The following IFI27L1 variants were observed in gnomAD, a reference collection of about 807,000 sequenced individuals.
IFI27L1 encodes the protein interferon alpha inducible protein 27 like 1.
Under a neutral mutation model 9.2 loss-of-function variants are expected in IFI27L1, and 3 were observed. That is an observed-to-expected ratio of 0.32 (90% CI 0.15 to 0.84). The LOEUF (loss-of-function observed/expected upper bound fraction) is 0.84. IFI27L1 is among the 40% of genes least tolerant of loss of function. The pLI, the probability that IFI27L1 is intolerant of heterozygous loss-of-function variation, is 0.56. For synonymous variants in IFI27L1, 53 were observed against 50.0 expected (o/e 1.06, Z -0.26); for missense variants, 133 against 134.2 (o/e 0.99, Z 0.05).
intron 1 of IFI27L1, among the ~76,000 whole-genome samples, chr14:94,090,442 A>G (rs1886434775): frequency 6.6e-6 from 1 of 152,234 alleles, no homozygotes. Flanking sequence ...AAGTGCAGCA[A>G]GAATGATTAT....
intron 1 of IFI27L1, 38 bp from the exon 2 acceptor site, chr14:94,096,849 A>G: frequency 8.1e-7 from 1 of 1,235,800 alleles, no homozygotes; most frequent in Non-Finnish European, 1.2e-6. Flanking sequence ...AGCTTTATTC[A>G]AACCAGATCC....
At chr14:94,082,017 G>T (rs140449483) in intron 1 of IFI27L1, among the ~76,000 whole-genome samples, 47 of 152,310 alleles carry the variant, frequency 3.1e-4, no homozygotes, top group East Asian at 1.7e-3. Context: ...AGGCAAGATA[G>T]GCTGAAAGCT....
At chr14:94,081,916 C>CT (rs1285994862) in intron 1 of IFI27L1, among the ~76,000 whole-genome samples, 6 of 152,162 alleles carry the variant, frequency 3.9e-5, no homozygotes, top group Admixed American at 2.6e-4. Context: ...CAATGGGCCT[C>CT]TAAGTGTTCA....
At chr14:94,101,080 T>G in intron 3 of IFI27L1, 2 of 555,334 alleles carry the variant, frequency 3.6e-6, no homozygotes, top group Non-Finnish European at 3.2e-6. Context: ...GCAGGGCCCA[T>G]GGTATCCTTG....
intron 1 of IFI27L1, among the ~76,000 whole-genome samples, chr14:94,087,963 AC>A (rs1886339614): frequency 6.6e-6 from 1 of 151,924 alleles, no homozygotes; most frequent in African/African-American, 2.4e-5. Flanking sequence ...GAGGATCACT[AC>A]TCCTTTCCTC....
intron 1 of IFI27L1, among the ~76,000 whole-genome samples, chr14:94,095,766 C>T (rs748299854): frequency 4.6e-5 from 7 of 152,122 alleles, no homozygotes; most frequent in Non-Finnish European, 8.8e-5. Context: ...GATTTTCCCC[C>T]ATGACCTGAG....
At chr14:94,102,196 C>T in intron 4 of IFI27L1, 1 of 608,692 alleles carries the variant, frequency 1.6e-6, no homozygotes, top group Non-Finnish European at 2.9e-6. Flanking sequence ...GGTCTCCTCC[C>T]CTCTCTGGGC....
chr14:94,096,525 C>G (rs1426074963), intron 1 of IFI27L1, among the ~76,000 whole-genome samples: 1 of 152,074 alleles, frequency 6.6e-6, no homozygotes, highest in East Asian at 1.9e-4. Context: ...GAAACCCTGT[C>G]TCTACTAAAA....
chr14:94,087,772 A>G (rs1435242394), intron 1 of IFI27L1, among the ~76,000 whole-genome samples: 1 of 151,806 alleles, frequency 6.6e-6, no homozygotes, highest in African/African-American at 2.4e-5. Context: ...TTTGACTCTG[A>G]CTGCTTTTAT....
Position 94,082,552 on chromosome 14 carries a change from CT to C in IFI27L1, c.-52+1107del, listed in dbSNP as rs1399002029. ...TCTGGCCTCAAAGGCCAAGCTCACTCTTTTGTTAGAGGCTAATGCAGCTAGT... is the reference window on the plus strand; with the variant it reads ...TCTGGCCTCAAAGGCCAAGCTCACTCTTTGTTAGAGGCTAATGCAGCTAGT... On this transcript the variant is annotated intron_variant, in intron 1 of 4. Coordinates refer to ENST00000555523, the MANE Select transcript of IFI27L1 (RefSeq NM_206949.3). Among the ~76,000 whole-genome samples, 4 of 152,382 alleles carry C rather than the reference CT, an allele frequency of 2.6e-5. No homozygotes were observed. The East Asian group carries it at 5.8e-4, about 22-fold the overall frequency.
rs1886870594 is a variant in IFI27L1, at chr14:94,100,900, C to G, written c.61+129C>G. The G allele has an allele frequency of 5.9e-6, 6 of 1,008,654 alleles. No homozygotes were observed. In the Admixed American group the frequency reaches 1.1e-4, roughly 18 times the overall value. 62.5% of individuals were successfully genotyped at this position (1,008,654 alleles called of 1,614,324 possible). On this transcript the variant is annotated intron_variant, in intron 3 of 4. Transcript: ENST00000555523. Reference sequence around the variant, plus strand: ...CATAGCTGGGTAGCGGTGGAGTGGGCAGAGTGATGGGGACCTTAGAGCAGC... The same window carrying G: ...CATAGCTGGGTAGCGGTGGAGTGGGGAGAGTGATGGGGACCTTAGAGCAGC...
intron 1 of IFI27L1, among the ~76,000 whole-genome samples, chr14:94,084,671 T>C (rs573788322): frequency 6.6e-6 from 1 of 152,302 alleles, no homozygotes; most frequent in East Asian, 1.9e-4. Context: ...AGTTATTCAA[T>C]TGAGACATGG....
chr14:94,100,938 A>C lies in IFI27L1; in HGVS notation c.61+167A>C, dbSNP rs559707566. On this transcript the variant is annotated intron_variant, in intron 3 of 4. Transcript: ENST00000555523. The stretch of plus-strand genomic sequence containing the variant: ...ACCTTAGAGCAGCAGGAAGCAAAGC[A>C]AAGCCATTAAAGGCACAGGGCTTTG... 28 of 741,418 alleles carry C rather than the reference A, an allele frequency of 3.8e-5. No individual in the cohort carries two copies. The East Asian group carries it at 7.0e-4, about 19-fold the overall frequency. The allele number at this position is 741,418 out of a possible 1,614,324, so 45.9% of individuals were successfully genotyped here.
intron 1 of IFI27L1, among the ~76,000 whole-genome samples, chr14:94,093,268 G>A (rs974232351): frequency 8.8e-5 from 13 of 148,150 alleles, no homozygotes; most frequent in African/African-American, 3.3e-4. Context: ...CTGGGTTCAC[G>A]CCATTCTCCT....
chr14:94,087,705 C>T (rs1239203930), intron 1 of IFI27L1, among the ~76,000 whole-genome samples: 1 of 151,680 alleles, frequency 6.6e-6, no homozygotes, highest in Non-Finnish European at 1.5e-5. Flanking sequence ...GGATTACAGG[C>T]ATGAGCCACC....
intron 2 of IFI27L1, among the ~76,000 whole-genome samples, chr14:94,098,981 G>T (rs1245055600): frequency 6.6e-6 from 1 of 152,244 alleles, no homozygotes; most frequent in Non-Finnish European, 1.5e-5. Flanking sequence ...TCCCTGAATG[G>T]ACAGAACTAC....
chr14:94,081,927 A>G (rs1473855286), intron 1 of IFI27L1, among the ~76,000 whole-genome samples: 1 of 152,220 alleles, frequency 6.6e-6, no homozygotes, highest in Non-Finnish European at 1.5e-5. Context: ...TAAGTGTTCA[A>G]GTGAAAGAAA....
chr14:94,083,422 G>T (rs1036899094), intron 1 of IFI27L1, among the ~76,000 whole-genome samples: 3 of 152,188 alleles, frequency 2.0e-5, no homozygotes, highest in Non-Finnish European at 4.4e-5. Context: ...TGAGAGGATT[G>T]ACTACAATTT....
chr14:94,092,320 A>G (rs1886508249), intron 1 of IFI27L1, among the ~76,000 whole-genome samples: 1 of 151,836 alleles, frequency 6.6e-6, no homozygotes. Flanking sequence ...GAGACCAGCC[A>G]GATCAACATG....
Sources: gnomAD v4.1 joint callset for allele counts (sites outside exome capture counted in the v4.1 genomes callset) on GRCh38, gnomAD v4.1.1 for gene constraint, MANE v1.5 for transcripts, NCBI Gene and HGNC (gene_info 2026-07-23, HGNC 2026-07-21) for gene names.